The following MAPK10 variants were observed in gnomAD, a reference collection of about 807,000 sequenced individuals.
MAPK10 encodes JNK3 alpha protein kinase.
MAPK10 carries 25 observed loss-of-function variants against 59.3 expected under a neutral mutation model. The ratio of observed to expected loss-of-function variants is 0.42; its 90% CI spans 0.31 to 0.59. The LOEUF (loss-of-function observed/expected upper bound fraction) is 0.59. MAPK10 is among the 20% of genes least tolerant of loss of function. The probability of loss-of-function intolerance (pLI) is 0.15; values close to 1 mark genes in which losing one functional copy is unlikely to be tolerated. For synonymous variants in MAPK10, 190 were observed against 200.5 expected (o/e 0.95, Z 0.44); for missense variants, 351 against 568.9 (o/e 0.62, Z 3.90).
At chr4:86,304,350 T>C (rs532015629) in intron 2 of MAPK10, among the ~76,000 whole-genome samples, 19 of 151,904 alleles carry the variant, frequency 1.3e-4, no homozygotes, top group African/African-American at 3.1e-4. Flanking sequence ...TATTCAAATC[T>C]GCATTTTCTA....
At chr4:86,436,850 T>A (rs1748783675) in intron 1 of MAPK10, among the ~76,000 whole-genome samples, 1 of 152,146 alleles carries the variant, frequency 6.6e-6, no homozygotes, top group Non-Finnish European at 1.5e-5. Flanking sequence ...TAAATAGAAG[T>A]GATGATAAAA....
At chr4:86,484,874 T>G (rs964040400) in intron 1 of MAPK10, among the ~76,000 whole-genome samples, 3 of 152,164 alleles carry the variant, frequency 2.0e-5, no homozygotes, top group African/African-American at 7.2e-5. Context: ...CGGTCTCTTG[T>G]GTACTACAGA....
At position 86,585,732 on chromosome 4, in the gene MAPK10, G is replaced by A. The variant is rs182349369; in HGVS notation, c.-263+8178C>T. On this transcript the variant is annotated intron_variant, in intron 1 of 4. Transcript: ENST00000502302. ...AGGTTCCCCTTTTAATATGAATATC[G>A]TAAGTCTGGGTTTGGCTCTAGATTA... 5.3e-4 allele frequency among the ~76,000 whole-genome samples: 81 copies of A among 152,170 alleles called. No individual in the cohort carries two copies. In the South Asian group the frequency reaches 7.5e-3, roughly 14 times the overall value.
At chr4:86,122,941 G>T (rs2059496481) in intron 4 of MAPK10, among the ~76,000 whole-genome samples, 1 of 151,992 alleles carries the variant, frequency 6.6e-6, no homozygotes, top group South Asian at 2.1e-4. Context: ...AATTTTTGCA[G>T]AATTTATGTG....
rs1745550245 is a variant in MAPK10 at position 86,414,095 on chromosome 4, GT to G, written c.-122+38934del. 2.0e-5 allele frequency among the ~76,000 whole-genome samples: 3 copies of G among 152,052 alleles called. No homozygotes were observed. In the South Asian group the frequency reaches 6.2e-4, roughly 32 times the overall value. ...TTTTCAAATAATCCCTTTTGCTTTT[GT>G]TTTGGTTCAGGTCCCCTAAAAACAG... On this transcript the variant is annotated intron_variant, in intron 1 of 13. Transcript: ENST00000361569.
intron 9 of MAPK10, chr4:86,081,210 G>A (rs1579870356): frequency 6.6e-6 from 1 of 151,896 alleles, no homozygotes; most frequent in Admixed American, 6.6e-5. Context: ...GAATAAAGTA[G>A]GTCCTTCTTT....
At chr4:86,559,192 TTA>T (rs1000358816) in intron 1 of MAPK10, among the ~76,000 whole-genome samples, 14 of 152,198 alleles carry the variant, frequency 9.2e-5, no homozygotes, top group African/African-American at 3.4e-4. Flanking sequence ...CCCCAAAAAT[TTA>T]TGTTTAGGTT....
chr4:86,320,367 A>G (rs1413335744), intron 2 of MAPK10, among the ~76,000 whole-genome samples: 1 of 152,226 alleles, frequency 6.6e-6, no homozygotes, highest in African/African-American at 2.4e-5. Flanking sequence ...GAGAGCCTGC[A>G]GTGATAGAAC....
chr4:86,206,027 C>G (rs979887003), intron 2 of MAPK10, among the ~76,000 whole-genome samples: 7 of 151,518 alleles, frequency 4.6e-5, no homozygotes, highest in Admixed American at 1.3e-4. Context: ...CTGAAGACAA[C>G]AGGATTTTTT....
chr4:86,074,360 G>C (rs547791943), intron 9 of MAPK10, among the ~76,000 whole-genome samples: 16 of 150,560 alleles, frequency 1.1e-4, no homozygotes, highest in African/African-American at 3.7e-4. Flanking sequence ...TTGCCAGTCT[G>C]TGTCTTTTAA....
intron 1 of MAPK10, among the ~76,000 whole-genome samples, chr4:86,461,127 T>TC (rs1751698703): frequency 9.5e-5 from 1 of 10,474 alleles, no homozygotes; most frequent in Non-Finnish European, 5.8e-4. Context: ...ACCTGAGTAC[T>TC]CTTTTTTTTT....
At chr4:86,368,611 T>C (rs77187987) in intron 1 of MAPK10, among the ~76,000 whole-genome samples, 2,291 of 152,290 alleles carry the variant, frequency 0.015, 67 homozygotes, top group African/African-American at 0.052. Context: ...AACCAACTGT[T>C]ATTAAGCTTA....
intron 9 of MAPK10, among the ~76,000 whole-genome samples, chr4:86,091,822 C>T (rs1005689903): frequency 3.3e-5 from 5 of 151,922 alleles, no homozygotes; most frequent in African/African-American, 9.6e-5. Context: ...TACAGGCACA[C>T]GCCACCACGC....
chr4:86,589,934 A>T (rs1762909148), intron 1 of MAPK10, among the ~76,000 whole-genome samples: 1 of 151,140 alleles, frequency 6.6e-6, no homozygotes, highest in South Asian at 2.1e-4. Flanking sequence ...CAGTGAGCCG[A>T]GATCGCGCCA....
At chr4:86,208,570 G>A (rs980122621) in intron 2 of MAPK10, among the ~76,000 whole-genome samples, 2 of 151,760 alleles carry the variant, frequency 1.3e-5, no homozygotes, top group Non-Finnish European at 2.9e-5. Flanking sequence ...CAATAAATTA[G>A]ATATTGATGG....
At chr4:86,299,458 C>T (rs930749317) in intron 2 of MAPK10, among the ~76,000 whole-genome samples, 2 of 152,094 alleles carry the variant, frequency 1.3e-5, no homozygotes, top group African/African-American at 4.8e-5. Context: ...TCCCTTGTTC[C>T]TTCATCAGGT....
intron 2 of MAPK10, among the ~76,000 whole-genome samples, chr4:86,215,195 A>G (rs1460160301): frequency 6.6e-6 from 1 of 152,218 alleles, no homozygotes; most frequent in Non-Finnish European, 1.5e-5. Context: ...TACTGGGAAA[A>G]CTGTATATTC....
intron 11 of MAPK10, among the ~76,000 whole-genome samples, chr4:86,040,461 GA>G (rs1332269078): frequency 1.3e-5 from 2 of 152,080 alleles, no homozygotes; most frequent in Non-Finnish European, 2.9e-5. Flanking sequence ...GAGAAAAAAT[GA>G]AAACAAATAG....
At chr4:86,302,214 G>A (rs1437760862) in intron 2 of MAPK10, among the ~76,000 whole-genome samples, 1 of 152,176 alleles carries the variant, frequency 6.6e-6, no homozygotes, top group Non-Finnish European at 1.5e-5. Context: ...TAATAGCAAA[G>A]TAATATTATT....
Sources: gnomAD v4.1 joint callset for allele counts (sites outside exome capture counted in the v4.1 genomes callset) on GRCh38, gnomAD v4.1.1 for gene constraint, MANE v1.5 for transcripts, NCBI Gene and HGNC (gene_info 2026-07-23, HGNC 2026-07-21) for gene names.